Variants in SULT1E1 observed in about 807,000 individuals in gnomAD.
The protein encoded by SULT1E1 is sulfotransferase 1E1.
SULT1E1 carries 36 observed loss-of-function variants against 33.6 expected under a neutral mutation model. That is an observed-to-expected ratio of 1.07 (90% CI 0.82 to 1.41). SULT1E1 has a LOEUF of 1.41. SULT1E1 is among the 40% of genes most tolerant of loss of function. The pLI, the probability that SULT1E1 is intolerant of heterozygous loss-of-function variation, is 0.00. For missense variants in SULT1E1, 371 were observed against 345.7 expected, an observed-to-expected ratio of 1.07 and a Z score of -0.58; for synonymous variants, 121 against 111.7, an observed-to-expected ratio of 1.08 and a Z score of -0.53.
At chr4:69,855,714 T>C (rs1721219184) in intron 2 of SULT1E1, among the ~76,000 whole-genome samples, 1 of 152,224 alleles carries the variant, frequency 6.6e-6, no homozygotes, top group Admixed American at 6.5e-5. Context: ...AGTTTTGGAC[T>C]TTAATTTTTA....
At chr4:69,857,358 T>G in intron 2 of SULT1E1, 142 bp downstream of exon 2, 1 of 1,024,730 alleles carries the variant, frequency 9.8e-7, no homozygotes, top group South Asian at 2.1e-5. Context: ...GGAATAGAGC[T>G]ACCTTTTCTA....
At chr4:69,832,217 G>A in the SULT1E1 span, among the ~76,000 whole-genome samples, 2 of 152,286 alleles carry the variant, frequency 1.3e-5, no homozygotes, top group Non-Finnish European at 1.5e-5. Flanking sequence ...TTAGGGGAGG[G>A]GCGCCGGAGA....
At chr4:69,825,411 G>C in the SULT1E1 span, among the ~76,000 whole-genome samples, 6 of 152,318 alleles carry the variant, frequency 3.9e-5, no homozygotes, top group African/African-American at 1.2e-4. Context: ...TTTGGCAACC[G>C]TGAAGGGACA....
At chr4:69,829,765 T>G in the SULT1E1 span, among the ~76,000 whole-genome samples, 1 of 152,184 alleles carries the variant, frequency 6.6e-6, no homozygotes, top group Non-Finnish European at 1.5e-5. Context: ...GAAACTCCAA[T>G]GGCTCCTACA....
rs773552801 is a variant in SULT1E1 at position 69,844,291 on chromosome 4, T to C, written c.642A>G (p.Pro214=). 4 of 1,613,824 alleles carry C rather than the reference T, an allele frequency of 2.5e-6. No homozygotes were observed. The highest frequency in any genetic ancestry group is 3.4e-6 in the Non-Finnish European group (4 of 1,179,804). ...TAATCCTGTCCACAAGCTCCTCTGA[T>C]GGCTTCCTTTCCAGGAAATGTATCA... ...IKLIHFLERK[P]SEELVDRIIH... The change falls in exon 7 of 8, where the codon CCA becomes CCG. Residue 214 remains proline, a synonymous_variant. Coordinates refer to ENST00000226444, the MANE Select transcript of SULT1E1 (RefSeq NM_005420.3).
the SULT1E1 span, among the ~76,000 whole-genome samples, chr4:69,822,210 A>T: frequency 1.3e-5 from 2 of 152,234 alleles, no homozygotes; most frequent in African/African-American, 4.8e-5. Flanking sequence ...AGGGTAACTT[A>T]TTCATTTAAT....
the SULT1E1 span, among the ~76,000 whole-genome samples, chr4:69,833,721 C>T: frequency 1.3e-5 from 2 of 152,168 alleles, no homozygotes; most frequent in Non-Finnish European, 2.9e-5. Flanking sequence ...CACTCTTTCA[C>T]ACTTTCACAG....
At chr4:69,857,774 G>A (rs1721275771) in intron 1 of SULT1E1, 121 bp from the exon 2 acceptor site, 2 of 801,922 alleles carry the variant, frequency 2.5e-6, no homozygotes, top group Non-Finnish European at 3.6e-6. Context: ...CACATATGGG[G>A]CAAAAACATA....
At chr4:69,856,172 T>C (rs757362093) in intron 2 of SULT1E1, among the ~76,000 whole-genome samples, 19 of 152,168 alleles carry the variant, frequency 1.2e-4, no homozygotes, top group Non-Finnish European at 2.5e-4. Context: ...AAGAATGGTA[T>C]AGTGGTTCGG....
chr4:69,840,078 G>A (rs576181784), downstream of SULT1E1, among the ~76,000 whole-genome samples: 1 of 152,076 alleles, frequency 6.6e-6, no homozygotes, highest in East Asian at 1.9e-4. Context: ...GACTAAATGG[G>A]CACATAAAAA....
chr4:69,823,577 T>C, the SULT1E1 span, among the ~76,000 whole-genome samples: 1 of 152,204 alleles, frequency 6.6e-6, no homozygotes, highest in African/African-American at 2.4e-5. Flanking sequence ...CACTGCCACC[T>C]GCTTTGTGGC....
chr4:69,832,439 G>A, the SULT1E1 span, among the ~76,000 whole-genome samples: 12 of 152,306 alleles, frequency 7.9e-5, no homozygotes, highest in Non-Finnish European at 7.4e-5. Context: ...TTTATTGAGT[G>A]CACTCAGACA....
chr4:69,852,099 T>C lies in SULT1E1; in HGVS notation c.369+2118A>G, dbSNP rs1275688832. ...GTAACAAACCTGCACATTGTGCACA[T>C]GTACCCTAAAACTTGAAGTATAATT... On this transcript the variant is annotated intron_variant, in intron 4 of 7. Transcript: ENST00000226444. 5.3e-5 allele frequency among the ~76,000 whole-genome samples: 8 copies of C among 152,272 alleles called. No homozygotes were observed. The East Asian group carries it at 1.5e-3, about 29-fold the overall frequency.
chr4:69,851,333 C>T (rs185634205), intron 4 of SULT1E1, among the ~76,000 whole-genome samples: 2 of 152,238 alleles, frequency 1.3e-5, no homozygotes, highest in African/African-American at 4.8e-5. Flanking sequence ...AGACACTTCT[C>T]AAGAGAAGAC....
Position 69,847,739 on chromosome 4 carries a change from T to C in SULT1E1, c.550A>G (p.Ser184Gly), listed in dbSNP as rs1721008820. The change falls in exon 6 of 8, where the codon AGT (serine) becomes GGT (glycine). Residue 184 changes from serine to glycine, a missense_variant. By Grantham distance (56) the Ser-to-Gly change is moderately conservative (BLOSUM62 0). Coordinates refer to ENST00000226444, the MANE Select transcript of SULT1E1 (RefSeq NM_005420.3). ...HVKSWWEKGKSPRVLFLFYED... is the reference protein window; with the variant it reads ...HVKSWWEKGKGPRVLFLFYED... The stretch of plus-strand genomic sequence containing the variant: ...TAGAAAAGAAATAGTACACGTGGAC[T>C]CTTTCCCTTTTCCCACCAAGATTTT... 6.2e-7 allele frequency: 1 copy of C among 1,609,922 alleles called. No individual in the cohort carries two copies. The highest frequency in any genetic ancestry group is 8.5e-7 in the Non-Finnish European group (1 of 1,177,280).
At chr4:69,857,405 A>G in intron 2 of SULT1E1, 95 bp downstream of exon 2, 1 of 1,423,272 alleles carries the variant, frequency 7.0e-7, no homozygotes, top group Non-Finnish European at 9.4e-7. Context: ...TTCTTAATAT[A>G]GAGAATGAGT....
At chr4:69,842,228 G>A in intron 7 of SULT1E1, 122 bp from the exon 8 acceptor site, 1 of 614,962 alleles carries the variant, frequency 1.6e-6, no homozygotes, top group Non-Finnish European at 2.8e-6. Flanking sequence ...TCAATTTTAA[G>A]AATCAAATGT....
chr4:69,855,679 T>C (rs1721218690), intron 2 of SULT1E1, among the ~76,000 whole-genome samples: 1 of 152,220 alleles, frequency 6.6e-6, no homozygotes, highest in African/African-American at 2.4e-5. Flanking sequence ...TCATGATGAA[T>C]TGTGACATTG....
the SULT1E1 span, among the ~76,000 whole-genome samples, chr4:69,821,819 G>C: frequency 2.0e-5 from 3 of 152,138 alleles, no homozygotes; most frequent in Non-Finnish European, 4.4e-5. Context: ...CCTATTTTCT[G>C]TCATATCAAA....
Sources: gnomAD v4.1 joint callset for allele counts (sites outside exome capture counted in the v4.1 genomes callset) on GRCh38, gnomAD v4.1.1 for gene constraint, MANE v1.5 for transcripts, NCBI Gene and HGNC (gene_info 2026-07-23, HGNC 2026-07-21) for gene names.